FADS3: variants seen among roughly 807,000 people sequenced by gnomAD.
FADS3 encodes the protein cytochrome b5-related protein.
Under a neutral mutation model 60.4 loss-of-function variants are expected in FADS3, and 30 were observed. That is an observed-to-expected ratio of 0.50 (90% confidence interval 0.37 to 0.67). The LOEUF (loss-of-function observed/expected upper bound fraction) is 0.67, where lower values mean the gene tolerates loss of function less well. FADS3 is among the 30% of genes least tolerant of loss of function. The pLI is 0.00. For missense variants in FADS3, 432 were observed against 598.3 expected, an observed-to-expected ratio of 0.72 and a Z score of 2.90; for synonymous variants, 234 against 249.3, an observed-to-expected ratio of 0.94 and a Z score of 0.58.
rs1187976362 is a variant in FADS3, at chr11:61,876,818, T to TG, written c.983+47dup. The TG allele has an allele frequency of 5.6e-6, 8 of 1,421,706 alleles. No individual in the cohort carries two copies. The highest frequency in any genetic ancestry group is 1.9e-5 in the Admixed American group (1 of 51,842). The allele number at this position is 1,421,706 out of a possible 1,614,324, so 88.1% of individuals were successfully genotyped here. A position where few individuals can be genotyped will look rare whatever the true frequency, so the allele number is the denominator to read the frequency against. ...GGGAAGCTCTGGTGGGGGGCTGCAGTGGGGGTCACCTGTCGCCTGTGTGTG... is the reference window on the plus strand; with the variant it reads ...GGGAAGCTCTGGTGGGGGGCTGCAGTGGGGGGTCACCTGTCGCCTGTGTGTG... On this transcript the variant is annotated intron_variant, in intron 8 of 11. Coordinates refer to ENST00000278829, the MANE Select transcript of FADS3 (RefSeq NM_021727.5). The surrounding 1 kb of genome is among the most constrained non-coding windows in gnomAD (Gnocchi z 5.7).
intron 11 of FADS3, among the ~76,000 whole-genome samples, chr11:61,875,045 T>A (rs977326700): frequency 1.3e-5 from 2 of 152,212 alleles, no homozygotes; most frequent in African/African-American, 2.4e-5. Context: ...GCCAAGCTCA[T>A]GGCATAGATA....
intron 1 of FADS3, 73 bp from the exon 2 acceptor site, chr11:61,880,224 G>A: frequency 8.0e-7 from 1 of 1,243,944 alleles, no homozygotes; most frequent in Non-Finnish European, 1.2e-6. Context: ...GCAGAGACAG[G>A]CGGAAGGACT....
intron 1 of FADS3, chr11:61,882,603 TAG>T (rs967213925): frequency 9.9e-5 from 15 of 152,202 alleles, no homozygotes; most frequent in African/African-American, 3.4e-4. Context: ...AATTTTTTTG[TAG>T]AGTCAAGGTC....
intron 2 of FADS3, 79 bp downstream of exon 2, chr11:61,879,962 G>GGCCATGTGGCAATGTCTCCCA (rs1938067080): frequency 8.2e-7 from 1 of 1,212,978 alleles, no homozygotes; most frequent in Non-Finnish European, 1.2e-6. Flanking sequence ...AGCTGCTCCT[G>GGCCATGTGGCAATGTCTCCCA]GCCATGTGGC....
At position 61,877,522 on chromosome 11, in the gene FADS3, T is replaced by C. The variant is rs944741492; in HGVS notation, c.874A>G (p.Met292Val). Residue 292 changes from methionine (M) to valine (V), a missense_variant, in exon 7 of 12, where the codon ATG becomes GTG. Met to Val is a conservative substitution (Grantham distance 21). Transcript: ENST00000278829. The surrounding 1 kb of genome is among the most constrained non-coding windows in gnomAD (Gnocchi z 4.7). The part of the protein sequence containing the change: ...VENLAYMLVC[M>V]QWADLLWAAS... ...GCAACCCCACTCACCGCCCACTGCA[T>C]GCACACCAGCATGTACGCCAGATTT... The C allele has an allele frequency of 1.2e-6, 2 of 1,613,350 alleles. No individual in the cohort carries two copies. Among genetic ancestry groups the C allele is most frequent in the African/African-American group, 2.7e-5 (2 of 74,934 alleles).
chr11:61,878,039 G>A lies in FADS3; in HGVS notation c.808+116C>T, dbSNP rs1937975088. On this transcript the variant is annotated intron_variant, in intron 6 of 11. Coordinates refer to ENST00000278829, the MANE Select transcript of FADS3 (RefSeq NM_021727.5). ...GAGGCTGGGAGGATGCCATGACCAG[G>A]GAGACCTGACAGACGTGCCCCGCCC... 7 of 869,660 alleles carry A rather than the reference G, an allele frequency of 8.0e-6. No individual in the cohort carries two copies. The East Asian group carries it at 1.7e-4, about 21-fold the overall frequency. The allele number at this position is 869,660 out of a possible 1,614,324, so 53.9% of individuals were successfully genotyped here. A position where few individuals can be genotyped will look rare whatever the true frequency, so the allele number is the denominator to read the frequency against.
At chr11:61,886,044 A>T (rs1938301519) in intron 1 of FADS3, among the ~76,000 whole-genome samples, 1 of 152,110 alleles carries the variant, frequency 6.6e-6, no homozygotes, top group East Asian at 1.9e-4. Flanking sequence ...GGGACATCCA[A>T]ATTTGGCCTG....
chr11:61,876,253 A>T lies in FADS3; in HGVS notation c.1081-63T>A, dbSNP rs1481856624. The T allele has an allele frequency of 1.3e-6, 2 of 1,573,350 alleles. No homozygotes were observed. The highest frequency in any genetic ancestry group is 1.7e-6 in the Non-Finnish European group (2 of 1,156,994). ...TGCAGATCCCTGACCCCACGGCACC[A>T]TCCCCCACCTGGCAGCCCCGTCAGG... On this transcript the variant is annotated intron_variant, in intron 9 of 11. Coordinates refer to ENST00000278829, the MANE Select transcript of FADS3 (RefSeq NM_021727.5). The surrounding 1 kb of genome is among the most constrained non-coding windows in gnomAD (Gnocchi z 5.7).
chr11:61,881,741 C>A (rs1039463153), intron 1 of FADS3: 2 of 152,166 alleles, frequency 1.3e-5, no homozygotes, highest in African/African-American at 2.4e-5. Context: ...ACTTCAGGCC[C>A]CTCCAGCACC....
At chr11:61,875,761 C>T in intron 11 of FADS3, 90 bp downstream of exon 11, 1 of 1,508,360 alleles carries the variant, frequency 6.6e-7, no homozygotes, top group South Asian at 1.2e-5. Context: ...CTCAGGGACC[C>T]TGGGGGCTCA....
In FADS3 at chr11:61,883,746, C is replaced by T. The variant is rs148797504; in HGVS notation, c.214-3595G>A. On this transcript the variant is annotated intron_variant, in intron 1 of 11. Coordinates refer to ENST00000278829, the MANE Select transcript of FADS3 (RefSeq NM_021727.5). ...AGATTGGTCTCCTCGCCTCCTTTCC[C>T]GTTGGTCCTGATTCACCCAGGCCAG... Among the ~76,000 whole-genome samples the T allele has an allele frequency of 1.3e-3, 200 of 152,346 alleles. 1 individual carries two copies. Among genetic ancestry groups the T allele is most frequent in the South Asian group, 5.0e-3 (24 of 4,822 alleles).
At chr11:61,886,069 A>C (rs1246214724) in intron 1 of FADS3, among the ~76,000 whole-genome samples, 1 of 152,156 alleles carries the variant, frequency 6.6e-6, no homozygotes, top group African/African-American at 2.4e-5. Flanking sequence ...GCGGAGCCCA[A>C]GTCGAAGGCA....
intron 1 of FADS3, among the ~76,000 whole-genome samples, chr11:61,889,609 T>G (rs970507577): frequency 1.3e-4 from 20 of 152,062 alleles, no homozygotes; most frequent in Middle Eastern, 6.8e-3. Flanking sequence ...ATGGCGCCAT[T>G]GCACTCCAGT....
rs1565344987 is a variant in FADS3, at chr11:61,878,729, A to G, written c.624+17T>C. On this transcript the variant is annotated intron_variant, in intron 4 of 11. Transcript: ENST00000278829. ...AGCGCCACCCAGCACCTGGCTGACC[A>G]CCCACCCCACCCTCACCTTTAGCTG... The G allele has an allele frequency of 6.2e-7, 1 of 1,613,106 alleles. No individual in the cohort carries two copies. Among genetic ancestry groups the G allele is most frequent in the East Asian group, 2.2e-5 (1 of 44,864 alleles).
chr11:61,878,096 A>C (rs1001265639), intron 6 of FADS3, 59 bp downstream of exon 6: 9 of 1,492,172 alleles, frequency 6.0e-6, no homozygotes, highest in Non-Finnish European at 8.4e-6. Flanking sequence ...CCAGGACAGC[A>C]GGGAGGACAG....
At chr11:61,880,244 T>A in intron 1 of FADS3, 93 bp from the exon 2 acceptor site, 1 of 987,308 alleles carries the variant, frequency 1.0e-6, no homozygotes, top group Non-Finnish European at 1.6e-6. Flanking sequence ...TACGGATGGA[T>A]GGGCAGAGCA....
chr11:61,876,926 A>G lies in FADS3; in HGVS notation c.923T>C (p.Phe308Ser). Residue 308 changes from phenylalanine (F) to serine (S), a missense_variant, in exon 8 of 12, where the codon TTC (phenylalanine) becomes TCC (serine). Physicochemically the swap from Phe to Ser is radical, Grantham distance 155 (BLOSUM62 -2). This residue lies in a region of FADS3 where 38 missense variants were observed against 34.8 expected (regional missense o/e 1.09). Coordinates refer to ENST00000278829, the MANE Select transcript of FADS3 (RefSeq NM_021727.5). The surrounding 1 kb of genome is among the most constrained non-coding windows in gnomAD (Gnocchi z 5.7). ...GCCGTAGAAGGGGAGGTAGGATAAG[A>G]AGAAGCGGGCATAGAAGCTGGCGGC... ...LWAASFYARF[F>S]LSYLPFYGVP... The G allele has an allele frequency of 6.2e-7, 1 of 1,609,686 alleles. No individual in the cohort carries two copies. The highest frequency in any genetic ancestry group is 8.5e-7 in the Non-Finnish European group (1 of 1,178,686).
Position 61,876,317 on chromosome 11 carries a change from C to A in FADS3, c.1080+42G>T, listed in dbSNP as rs200308162. The A allele has an allele frequency of 1.9e-6, 3 of 1,594,064 alleles. No homozygotes were observed. The highest frequency in any genetic ancestry group is 2.6e-6 in the Non-Finnish European group (3 of 1,165,224). On this transcript the variant is annotated intron_variant, in intron 9 of 11. Transcript: ENST00000278829. This position sits in a 1 kb window ranked among gnomAD's most constrained non-coding sequence, Gnocchi z 5.7. ...TTTGCCATCTGGCTCCTAGCTGGGA[C>A]CCCCCACCCCACCCAGGATGGGCCC...
chr11:61,874,183 G>A lies in FADS3; in HGVS notation c.1287-318C>T, dbSNP rs113922309. Among the ~76,000 whole-genome samples, 443 of 152,336 alleles carry A rather than the reference G, an allele frequency of 2.9e-3. 2 individuals carry two copies. Among genetic ancestry groups the A allele is most frequent in the South Asian group, 0.022 (108 of 4,830 alleles). On this transcript the variant is annotated intron_variant, in intron 11 of 11. Coordinates refer to ENST00000278829, the MANE Select transcript of FADS3 (RefSeq NM_021727.5). ...TCTCCATTGCTGCCTCCTGCTGGGCGCTGCAACCCAAGGACAGAGAGGACG... is the reference window on the plus strand; with the variant it reads ...TCTCCATTGCTGCCTCCTGCTGGGCACTGCAACCCAAGGACAGAGAGGACG...
Sources: allele counts gnomAD v4.1 joint callset (sites outside exome capture counted in the v4.1 genomes callset), GRCh38; gene constraint gnomAD v4.1.1; regional missense constraint gnomAD v4.1.1; non-coding constraint Gnocchi (gnomAD v3.1); transcripts MANE v1.5; gene names NCBI Gene and HGNC (gene_info 2026-07-23, HGNC 2026-07-21).